The following LTN1 variants were observed in gnomAD, a reference collection of about 807,000 sequenced individuals.
LTN1 encodes the protein listerin E3 ubiquitin protein ligase 1.
Under a neutral mutation model 201.2 loss-of-function variants are expected in LTN1, and 88 were observed. The ratio of observed to expected loss-of-function variants is 0.44; its 90% CI spans 0.37 to 0.52. The LOEUF (loss-of-function observed/expected upper bound fraction) is 0.52, where lower values mean the gene tolerates loss of function less well. LTN1 is among the 20% of genes least tolerant of loss of function. The pLI is 0.00. For synonymous variants in LTN1, 645 were observed against 713.5 expected (o/e 0.90, Z 1.53); for missense variants, 1,752 against 2,038.7 (o/e 0.86, Z 2.71).
chr21:28,941,430 A>G (rs1295713058), intron 24 of LTN1, 24 bp from the exon 25 acceptor site: 7 of 1,539,794 alleles, frequency 4.5e-6, no homozygotes, highest in Non-Finnish European at 5.3e-6. Context: ...ATTAAACACC[A>G]CAAGTTTTCT....
intron 25 of LTN1, among the ~76,000 whole-genome samples, chr21:28,939,639 A>G (rs939072547): frequency 6.6e-6 from 1 of 152,214 alleles, no homozygotes; most frequent in Admixed American, 6.5e-5. Flanking sequence ...CAATAATAAT[A>G]AATGCTGCCG....
At chr21:28,966,181 AG>A (rs1014232412) in intron 10 of LTN1, among the ~76,000 whole-genome samples, 188 bp downstream of exon 10, 3 of 152,248 alleles carry the variant, frequency 2.0e-5, no homozygotes, top group African/African-American at 7.2e-5. Flanking sequence ...TTTAATTACA[AG>A]TATTTGTCAC....
chr21:28,946,101 T>C (rs1255907521), intron 20 of LTN1, 51 bp downstream of exon 20: 1 of 1,517,560 alleles, frequency 6.6e-7, no homozygotes, highest in Non-Finnish European at 8.9e-7. Flanking sequence ...ATACGTAATC[T>C]TTGTCTGAAT....
At chr21:28,947,801 T>C (rs973700388) in intron 18 of LTN1, among the ~76,000 whole-genome samples, 195 bp from the exon 19 acceptor site, 10 of 151,982 alleles carry the variant, frequency 6.6e-5, no homozygotes, top group Non-Finnish European at 1.5e-5. Context: ...TTCTCTTTTC[T>C]GCATAAATTT....
At position 28,967,000 on chromosome 21, in the gene LTN1, G is replaced by C; in HGVS notation, c.1491C>G (p.Ile497Met). 3 of 1,614,024 alleles carry C rather than the reference G, an allele frequency of 1.9e-6. No individual in the cohort carries two copies. Among genetic ancestry groups the C allele is most frequent in the East Asian group, 2.2e-5 (1 of 44,860 alleles). The part of the protein sequence containing the change: ...LIHFWERLSE[I>M]CVAKISEPEA... ...CTGGCTCACTGATTTTCGCAACACA[G>C]ATCTCTGACAGTCTTTCCCAGAAAT... is the stretch of plus-strand genomic sequence containing the variant. Residue 497 changes from isoleucine to methionine, a missense_variant, in exon 10 of 30, where the codon ATC (isoleucine) becomes ATG (methionine). This residue lies in a region of LTN1 where 1,211 missense variants were observed against 1,312.8 expected (regional missense o/e 0.92). Transcript: ENST00000361371.
chr21:28,972,622 A>C (rs994923934), intron 6 of LTN1, among the ~76,000 whole-genome samples: 4 of 152,206 alleles, frequency 2.6e-5, no homozygotes, highest in African/African-American at 9.7e-5. Flanking sequence ...AATTATCCGC[A>C]AAGCATCATG....
chr21:28,957,872 A>G (rs2084439497), intron 14 of LTN1, among the ~76,000 whole-genome samples: 2 of 152,204 alleles, frequency 1.3e-5, no homozygotes, highest in Non-Finnish European at 2.9e-5. Flanking sequence ...GCAATTCAAC[A>G]TCTTAAAACA....
intron 11 of LTN1, among the ~76,000 whole-genome samples, chr21:28,962,317 A>C (rs2084485575): frequency 6.6e-6 from 1 of 152,228 alleles, no homozygotes; most frequent in African/African-American, 2.4e-5. Flanking sequence ...GCAACCCTGC[A>C]TTGAGCAAGT....
intron 18 of LTN1, among the ~76,000 whole-genome samples, chr21:28,950,302 T>C (rs940910348): frequency 1.3e-4 from 20 of 152,188 alleles, no homozygotes; most frequent in Non-Finnish European, 2.9e-5. Flanking sequence ...GAATCTTCTT[T>C]TTCTCCCATA....
In LTN1 at chr21:28,960,486, C is replaced by T. The variant is rs373602011; in HGVS notation, c.2353+31G>A. Reference sequence around the variant, plus strand: ...CACAAAGGAGAAATGGACTATTCCCCATTAGAAAACAAAAGCCATATTTGT... The same window carrying T: ...CACAAAGGAGAAATGGACTATTCCCTATTAGAAAACAAAAGCCATATTTGT... On this transcript the variant is annotated intron_variant, in intron 12 of 29. Coordinates refer to ENST00000361371, the MANE Select transcript of LTN1 (RefSeq NM_015565.3). 2.6e-6 allele frequency: 4 copies of T among 1,552,064 alleles called. No homozygotes were observed. In the East Asian group the frequency reaches 6.7e-5, roughly 26 times the overall value.
rs533808455 is a variant in LTN1, at chr21:28,979,333, T to A, written c.810+1786A>T. On this transcript the variant is annotated intron_variant, in intron 6 of 29. Transcript: ENST00000361371. Reference sequence around the variant, plus strand: ...TAATTTCTTAAGATCCAAGGACACATGAATGAAGATGTTCATTGCTGCATT... The same window carrying A: ...TAATTTCTTAAGATCCAAGGACACAAGAATGAAGATGTTCATTGCTGCATT... 3.9e-5 allele frequency among the ~76,000 whole-genome samples: 6 copies of A among 152,300 alleles called. No individual in the cohort carries two copies. In the South Asian group the frequency reaches 1.2e-3, roughly 32 times the overall value.
chr21:28,939,838 T>C (rs995180723), intron 25 of LTN1, among the ~76,000 whole-genome samples: 2 of 152,214 alleles, frequency 1.3e-5, no homozygotes, highest in Admixed American at 6.5e-5. Context: ...TCTTGAAATA[T>C]ATCATCAGCA....
rs186432604 is a variant in LTN1 at position 28,978,393 on chromosome 21, A to G, written c.810+2726T>C. Among the ~76,000 whole-genome samples the G allele has an allele frequency of 7.9e-4, 121 of 152,332 alleles. 1 individual carries two copies. The highest frequency in any genetic ancestry group is 2.9e-3 in the African/African-American group (119 of 41,574). On this transcript the variant is annotated intron_variant, in intron 6 of 29. Transcript: ENST00000361371. ...ACAGATCAACAGGGAAAAAAAATAAACAGTTTACTAGGTAATGTTAGGAAA... is the reference window on the plus strand; with the variant it reads ...ACAGATCAACAGGGAAAAAAAATAAGCAGTTTACTAGGTAATGTTAGGAAA...
rs1011535290 is a variant in LTN1 at position 28,929,920 on chromosome 21, A to T, written c.*528T>A. The T allele has an allele frequency of 6.6e-6, 1 of 152,236 alleles. No homozygotes were observed. The highest frequency in any genetic ancestry group is 1.5e-5 in the Non-Finnish European group (1 of 68,052). The allele number at this position is 152,236 out of a possible 1,614,324, so 9.4% of individuals were successfully genotyped here. A position where few individuals can be genotyped will look rare whatever the true frequency, so the allele number is the denominator to read the frequency against. ...GCATGCCTCCAGATATCTTAAGACA[A>T]GCCGTATTAATAGCTTAGTGTCATT... On this transcript the variant is annotated 3_prime_UTR_variant, in exon 30 of 30. Transcript: ENST00000361371.
intron 27 of LTN1, among the ~76,000 whole-genome samples, chr21:28,933,928 G>A (rs181143445): frequency 3.9e-5 from 6 of 152,064 alleles, no homozygotes; most frequent in South Asian, 2.1e-4. Flanking sequence ...TGCCCGCCTC[G>A]GCCTCCCAAA....
Position 28,960,943 on chromosome 21 carries a change from C to T in LTN1, c.2164-237G>A, listed in dbSNP as rs538711529. 19 of 340,266 alleles carry T rather than the reference C, an allele frequency of 5.6e-5. No homozygotes were observed. The East Asian group carries it at 9.2e-4, about 17-fold the overall frequency. 21.1% of individuals were successfully genotyped at this position (340,266 alleles called of 1,614,324 possible). On this transcript the variant is annotated intron_variant, in intron 11 of 29. Coordinates refer to ENST00000361371, the MANE Select transcript of LTN1 (RefSeq NM_015565.3). Reference sequence around the variant, plus strand: ...CCCAGCCATAAATATTCCCCCACCCCCCCCTTTTTTTTTTAACTTAAAATC... The same window carrying T: ...CCCAGCCATAAATATTCCCCCACCCTCCCCTTTTTTTTTTAACTTAAAATC...
intron 25 of LTN1, among the ~76,000 whole-genome samples, chr21:28,937,985 C>T (rs1028676132): frequency 2.6e-5 from 4 of 151,896 alleles, no homozygotes; most frequent in South Asian, 4.2e-4. Flanking sequence ...AATGAGGAAA[C>T]GATCAGACAA....
In LTN1 at chr21:28,931,261, C is replaced by A; in HGVS notation, c.5132G>T (p.Gly1711Val). The A allele has an allele frequency of 6.2e-7, 1 of 1,612,838 alleles. No individual in the cohort carries two copies. Among genetic ancestry groups the A allele is most frequent in the Non-Finnish European group, 8.5e-7 (1 of 1,179,108 alleles). Reference sequence around the variant, plus strand: ...GAAACAGATCATGCAATCTTCAACACCCTCAAAACGTTTGTCTACGTTATT... The same window carrying A: ...GAAACAGATCATGCAATCTTCAACAACCTCAAAACGTTTGTCTACGTTATT... ...WKNNVDKRFE[G>V]VEDCMICFSV... Residue 1711 changes from glycine to valine, a missense_variant, in exon 29 of 30, where the codon GGT becomes GTT. Around this residue, in one of 3 missense-constraint regions of LTN1, gnomAD observed 261 missense variants for 350.1 expected, o/e 0.75. Transcript: ENST00000361371.
rs963147377 is a variant in LTN1 at position 28,930,091 on chromosome 21, C to T, written c.*357G>A. ...CTATTCTAAAACACAGATCAACAAA[C>T]GGAATGGGTTTATCAATAATATAGT... On this transcript the variant is annotated 3_prime_UTR_variant, in exon 30 of 30. Transcript: ENST00000361371. 3.6e-5 allele frequency: 6 copies of T among 168,534 alleles called. No homozygotes were observed. The highest frequency in any genetic ancestry group is 6.4e-5 in the Admixed American group (1 of 15,720). The allele number at this position is 168,534 out of a possible 1,614,324, so 10.4% of individuals were successfully genotyped here.
Sources: gnomAD v4.1 joint callset for allele counts (sites outside exome capture counted in the v4.1 genomes callset) on GRCh38, gnomAD v4.1.1 for gene constraint, gnomAD v4.1.1 regional missense constraint, MANE v1.5 for transcripts, NCBI Gene and HGNC (gene_info 2026-07-23, HGNC 2026-07-21) for gene names.